Variants in ASTN2 observed in about 807,000 individuals in gnomAD.
ASTN2 encodes astrotactin-2.
A neutral mutation model predicts 139.8 loss-of-function variants in ASTN2; 54 were observed. That is an observed-to-expected ratio of 0.39 (90% CI 0.31 to 0.48). ASTN2 has a LOEUF of 0.48. Ranked by LOEUF, ASTN2 falls within the 20% of genes least tolerant of loss-of-function variation. The probability of loss-of-function intolerance (pLI) is 0.95; values close to 1 mark genes in which losing one functional copy is unlikely to be tolerated. For missense variants in ASTN2, 1,565 were observed against 1,725.1 expected, an observed-to-expected ratio of 0.91 and a Z score of 1.64; for synonymous variants, 756 against 719.5, an observed-to-expected ratio of 1.05 and a Z score of -0.81.
At chr9:117,193,639 CAA>C (rs61700943) in intron 3 of ASTN2, among the ~76,000 whole-genome samples, 2 of 106,098 alleles carry the variant, frequency 1.9e-5, no homozygotes, top group Admixed American at 1.1e-4. Context: ...ATTCAGTCAC[CAA>C]AAAAAAAAAA....
At chr9:116,815,296 G>T (rs543585368) in intron 12 of ASTN2, among the ~76,000 whole-genome samples, 1 of 152,238 alleles carries the variant, frequency 6.6e-6, no homozygotes, top group East Asian at 1.9e-4. Flanking sequence ...TACATAAAGA[G>T]AATATTAGAC....
At chr9:116,470,906 G>A (rs1418444495) in intron 20 of ASTN2, among the ~76,000 whole-genome samples, 1 of 152,134 alleles carries the variant, frequency 6.6e-6, no homozygotes, top group Non-Finnish European at 1.5e-5. Context: ...TACCTACATT[G>A]GGACAAGGGT....
At chr9:117,061,679 T>C (rs988621999) in intron 5 of ASTN2, among the ~76,000 whole-genome samples, 2 of 152,204 alleles carry the variant, frequency 1.3e-5, no homozygotes, top group Non-Finnish European at 2.9e-5. Flanking sequence ...GTTATTAATG[T>C]CAGTCTGGGC....
chr9:117,071,610 CT>C (rs1485434995), intron 5 of ASTN2, among the ~76,000 whole-genome samples: 5 of 150,080 alleles, frequency 3.3e-5, no homozygotes, highest in Admixed American at 6.6e-5. Flanking sequence ...CTCCCCCAGC[CT>C]CGCTGCCGCC....
At chr9:116,980,039 C>T (rs1421392799) in intron 7 of ASTN2, among the ~76,000 whole-genome samples, 1 of 152,168 alleles carries the variant, frequency 6.6e-6, no homozygotes, top group African/African-American at 2.4e-5. Context: ...GGCATTCACC[C>T]TGGAGACCCC....
chr9:116,925,043 T>C (rs1834716153), intron 10 of ASTN2, among the ~76,000 whole-genome samples: 1 of 152,192 alleles, frequency 6.6e-6, no homozygotes, highest in Admixed American at 6.6e-5. Context: ...ATCAAATCCC[T>C]TATTTTACAG....
intron 19 of ASTN2, among the ~76,000 whole-genome samples, chr9:116,530,957 A>C (rs1026063738): frequency 2.0e-5 from 3 of 152,186 alleles, no homozygotes; most frequent in Non-Finnish European, 4.4e-5. Context: ...CTAAATACAT[A>C]TTTATTAAAT....
At chr9:117,333,349 C>G (rs569150956) in intron 1 of ASTN2, among the ~76,000 whole-genome samples, 1 of 152,086 alleles carries the variant, frequency 6.6e-6, no homozygotes, top group South Asian at 2.1e-4. Context: ...TGTTCTCTTG[C>G]AAAGGAAAAT....
intron 6 of ASTN2, among the ~76,000 whole-genome samples, chr9:117,008,980 A>T (rs932304414): frequency 6.6e-6 from 1 of 152,178 alleles, no homozygotes; most frequent in Non-Finnish European, 1.5e-5. Flanking sequence ...TCTAAGGAAA[A>T]GAGCAGCACT....
intron 10 of ASTN2, among the ~76,000 whole-genome samples, chr9:116,946,254 C>G (rs1220914239): frequency 6.6e-6 from 1 of 152,142 alleles, no homozygotes; most frequent in African/African-American, 2.4e-5. Flanking sequence ...CATCCCAGTC[C>G]CCAGTGATCT....
intron 20 of ASTN2, among the ~76,000 whole-genome samples, chr9:116,481,168 G>A (rs1849156393): frequency 6.6e-6 from 1 of 152,072 alleles, no homozygotes; most frequent in African/African-American, 2.4e-5. Context: ...CAGGTAAATG[G>A]CTTGAGCTCG....
chr9:117,180,825 G>T, intron 3 of ASTN2: 1 of 1,546,394 alleles, frequency 6.5e-7, no homozygotes. Flanking sequence ...CATTGAACTT[G>T]GTGAAGCCCC....
At chr9:117,077,260 A>T (rs568828251) in intron 5 of ASTN2, among the ~76,000 whole-genome samples, 4 of 152,198 alleles carry the variant, frequency 2.6e-5, no homozygotes, top group African/African-American at 9.6e-5. Flanking sequence ...GCGAGACTCA[A>T]TGGAGCTCCT....
At chr9:116,802,098 T>G (rs1381493988) in intron 13 of ASTN2, among the ~76,000 whole-genome samples, 12 of 129,248 alleles carry the variant, frequency 9.3e-5, no homozygotes, top group African/African-American at 3.0e-4. Context: ...TTTTTTTTTT[T>G]TTTTTTTTGA....
intron 20 of ASTN2, among the ~76,000 whole-genome samples, chr9:116,449,844 C>T (rs2118914911): frequency 6.6e-6 from 1 of 152,316 alleles, no homozygotes; most frequent in East Asian, 1.9e-4. Flanking sequence ...GTTGCTTCAG[C>T]AGCCCTGGTA....
At chr9:116,844,513 T>C (rs1564300854) in intron 11 of ASTN2, among the ~76,000 whole-genome samples, 1 of 152,074 alleles carries the variant, frequency 6.6e-6, no homozygotes, top group Non-Finnish European at 1.5e-5. Flanking sequence ...CCATGTAATG[T>C]TAGCCAGTCA....
At chr9:117,060,255 G>A (rs1369959103) in intron 5 of ASTN2, among the ~76,000 whole-genome samples, 3 of 149,972 alleles carry the variant, frequency 2.0e-5, no homozygotes, top group Non-Finnish European at 4.4e-5. Flanking sequence ...AGTTTACAGT[G>A]GGCCAAGATT....
Position 117,249,294 on chromosome 9 carries a change from G to A in ASTN2, c.631-34552C>T, listed in dbSNP as rs576282950. 6.6e-5 allele frequency among the ~76,000 whole-genome samples: 10 copies of A among 152,246 alleles called. No homozygotes were observed. The East Asian group carries it at 9.7e-4, about 15-fold the overall frequency. ...CCCCAGTCTTAAATCTCAAAGTCACGGTGAATGCTGGCAGCATCTCTCTGT... is the reference window on the plus strand; with the variant it reads ...CCCCAGTCTTAAATCTCAAAGTCACAGTGAATGCTGGCAGCATCTCTCTGT... On this transcript the variant is annotated intron_variant, in intron 2 of 22. Coordinates refer to ENST00000313400, the MANE Select transcript of ASTN2 (RefSeq NM_001365068.1).
chr9:117,234,963 G>A (rs1231975532), intron 2 of ASTN2, among the ~76,000 whole-genome samples: 1 of 152,244 alleles, frequency 6.6e-6, no homozygotes, highest in East Asian at 1.9e-4. Flanking sequence ...GCTGGGCGCA[G>A]TGGCTCACGC....
Sources: gnomAD v4.1 joint callset for allele counts (sites outside exome capture counted in the v4.1 genomes callset) on GRCh38, gnomAD v4.1.1 for gene constraint, MANE v1.5 for transcripts, NCBI Gene and HGNC (gene_info 2026-07-23, HGNC 2026-07-21) for gene names.